The following POFUT3 variants were observed in gnomAD, a reference collection of about 807,000 sequenced individuals.
The protein encoded by POFUT3 is GDP-fucose protein O-fucosyltransferase 3.
At chr8:33,423,414 T>C in the POFUT3 span, among the ~76,000 whole-genome samples, 1 of 151,894 alleles carries the variant, frequency 6.6e-6, no homozygotes, top group African/African-American at 2.4e-5. Context: ...GACTACAGGT[T>C]CATGCCACTA....
chr8:33,337,217 G>A, the POFUT3 span, among the ~76,000 whole-genome samples: 7 of 151,994 alleles, frequency 4.6e-5, no homozygotes, highest in African/African-American at 1.5e-4. Context: ...TTTTAAAACC[G>A]GAAAAATCTA....
chr8:33,341,254 G>T, the POFUT3 span, among the ~76,000 whole-genome samples: 1 of 151,910 alleles, frequency 6.6e-6, no homozygotes, highest in Admixed American at 6.6e-5. Context: ...AGCCAACATA[G>T]TGAAACCCTG....
chr8:33,392,457 T>C, the POFUT3 span, among the ~76,000 whole-genome samples: 1 of 151,506 alleles, frequency 6.6e-6, no homozygotes, highest in Non-Finnish European at 1.5e-5. Flanking sequence ...ATGGTAGTAG[T>C]AATCCCAGCT....
the POFUT3 span, among the ~76,000 whole-genome samples, chr8:33,468,601 G>A: frequency 6.6e-6 from 1 of 152,222 alleles, no homozygotes; most frequent in African/African-American, 2.4e-5. Context: ...AGGCTGAGGA[G>A]ATGCCTAAAG....
the POFUT3 span, among the ~76,000 whole-genome samples, chr8:33,464,307 G>T: frequency 6.6e-6 from 1 of 152,116 alleles, no homozygotes. Context: ...GCTAATATTT[G>T]TTGAGTAACC....
chr8:33,323,183 G>C, the POFUT3 span, among the ~76,000 whole-genome samples: 2 of 152,172 alleles, frequency 1.3e-5, no homozygotes, highest in Non-Finnish European at 1.5e-5. Flanking sequence ...ATGTGTCTGA[G>C]TCATGACTTA....
At chr8:33,385,235 C>T in the POFUT3 span, among the ~76,000 whole-genome samples, 2 of 152,128 alleles carry the variant, frequency 1.3e-5, no homozygotes, top group South Asian at 4.1e-4. Flanking sequence ...GTTCCTGGTT[C>T]CCGGGTGGTG....
At chr8:33,344,340 G>A in the POFUT3 span, among the ~76,000 whole-genome samples, 2 of 152,160 alleles carry the variant, frequency 1.3e-5, no homozygotes, top group Admixed American at 6.5e-5. Context: ...GGTTCTGTGC[G>A]CCTTGAGACC....
the POFUT3 span, among the ~76,000 whole-genome samples, chr8:33,465,511 G>A: frequency 1.3e-5 from 2 of 152,130 alleles, no homozygotes; most frequent in South Asian, 2.1e-4. Context: ...TGCCCAGGCT[G>A]GAGTGCAGTG....
chr8:33,370,938 A>G, the POFUT3 span: 3 of 152,196 alleles, frequency 2.0e-5, no homozygotes, highest in East Asian at 5.8e-4. Context: ...CATCCTCAAT[A>G]CTACCCATTA....
the POFUT3 span, among the ~76,000 whole-genome samples, chr8:33,308,217 C>T: frequency 2.6e-5 from 4 of 152,210 alleles, no homozygotes; most frequent in Middle Eastern, 3.4e-3. Flanking sequence ...AAGATGTATA[C>T]TATAAACCTT....
At chr8:33,365,254 T>G in the POFUT3 span, among the ~76,000 whole-genome samples, 48 of 152,134 alleles carry the variant, frequency 3.2e-4, no homozygotes, top group Non-Finnish European at 6.0e-4. Context: ...ATACAAAAAT[T>G]AATTCAAGAT....
the POFUT3 span, among the ~76,000 whole-genome samples, chr8:33,359,862 C>T: frequency 6.6e-6 from 1 of 151,378 alleles, no homozygotes; most frequent in Non-Finnish European, 1.5e-5. Flanking sequence ...AAAAATTAGC[C>T]AGGCTTGATG....
At chr8:33,410,633 G>A in the POFUT3 span, among the ~76,000 whole-genome samples, 30 of 152,294 alleles carry the variant, frequency 2.0e-4, no homozygotes, top group African/African-American at 7.2e-4. Flanking sequence ...GTGCGTGTGT[G>A]TATGTCACCA....
the POFUT3 span, among the ~76,000 whole-genome samples, chr8:33,424,165 A>G: frequency 6.6e-6 from 1 of 151,864 alleles, no homozygotes; most frequent in Admixed American, 6.6e-5. Flanking sequence ...GAGAAAGAAC[A>G]TGGGTTTTTA....
chr8:33,376,720 T>A, the POFUT3 span, among the ~76,000 whole-genome samples: 2 of 152,272 alleles, frequency 1.3e-5, no homozygotes, highest in South Asian at 2.1e-4. Flanking sequence ...TCTATGAATA[T>A]CAAGTTCAAA....
At chr8:33,376,088 A>T in the POFUT3 span, among the ~76,000 whole-genome samples, 43 of 151,988 alleles carry the variant, frequency 2.8e-4, 1 homozygote, top group Admixed American at 2.8e-3. Context: ...TTAAATAATT[A>T]GCTAAATATT....
chr8:33,310,653 T>G, the POFUT3 span, among the ~76,000 whole-genome samples: 1 of 147,476 alleles, frequency 6.8e-6, no homozygotes, highest in Admixed American at 6.9e-5. Flanking sequence ...ATCGTGCCAC[T>G]GCACTCCAGC....
the POFUT3 span, among the ~76,000 whole-genome samples, chr8:33,318,665 T>C: frequency 1.1e-5 from 1 of 88,790 alleles, no homozygotes; most frequent in African/African-American, 4.5e-5. Context: ...TTATATAATA[T>C]ATAAATATAT....
Sources: gnomAD v4.1 joint callset for allele counts (sites outside exome capture counted in the v4.1 genomes callset) on GRCh38, gnomAD v4.1.1 for gene constraint, MANE v1.5 for transcripts, NCBI Gene and HGNC (gene_info 2026-07-23, HGNC 2026-07-21) for gene names.